The following TMEM74 variants were observed in gnomAD, a reference collection of about 807,000 sequenced individuals.
The protein encoded by TMEM74 is transmembrane protein 74.
TMEM74 carries 13 observed loss-of-function variants against 18.1 expected under a neutral mutation model. The ratio of observed to expected loss-of-function variants is 0.72; its 90% CI spans 0.47 to 1.14. TMEM74 has a LOEUF of 1.14. Among genes scored for constraint, TMEM74 ranks in the 50% most tolerant of loss-of-function variants. The pLI is 0.00. For synonymous variants in TMEM74, 159 were observed against 146.6 expected, an observed-to-expected ratio of 1.08 and a Z score of -0.61; for missense variants, 372 against 375.9, an observed-to-expected ratio of 0.99 and a Z score of 0.09.
At chr8:108,746,653 A>G (rs1477618417) in intron 1 of TMEM74, among the ~76,000 whole-genome samples, 1 of 152,108 alleles carries the variant, frequency 6.6e-6, no homozygotes, top group Non-Finnish European at 1.5e-5. Flanking sequence ...GGACTCCTAA[A>G]TAGCCTCAGG....
At chr8:108,627,422 T>C (rs1240498253) in intron 2 of TMEM74, among the ~76,000 whole-genome samples, 1 of 152,022 alleles carries the variant, frequency 6.6e-6, no homozygotes, top group Non-Finnish European at 1.5e-5. Context: ...TTGAGCTGTG[T>C]GCTTTAAGTA....
At chr8:108,719,022 A>G (rs553358887) in intron 1 of TMEM74, among the ~76,000 whole-genome samples, 1 of 151,874 alleles carries the variant, frequency 6.6e-6, no homozygotes, top group South Asian at 2.1e-4. Flanking sequence ...ATATATTTGT[A>G]TCCTTGTAGT....
At chr8:108,687,932 A>C (rs1228347936) in intron 1 of TMEM74, among the ~76,000 whole-genome samples, 1 of 152,100 alleles carries the variant, frequency 6.6e-6, no homozygotes, top group Non-Finnish European at 1.5e-5. Flanking sequence ...AGGAACCCCT[A>C]CTCTAGGGGT....
chr8:108,713,538 T>A (rs1813493170), intron 1 of TMEM74, among the ~76,000 whole-genome samples: 1 of 152,180 alleles, frequency 6.6e-6, no homozygotes, highest in Non-Finnish European at 1.5e-5. Context: ...AGCTATATAA[T>A]TGCACTCACA....
intron 1 of TMEM74, among the ~76,000 whole-genome samples, chr8:108,660,983 G>A (rs1267490158): frequency 6.6e-6 from 1 of 152,132 alleles, no homozygotes; most frequent in African/African-American, 2.4e-5. Context: ...GTGATGAAAT[G>A]TGGTTTAGTA....
At chr8:108,662,657 C>T (rs1175821227) in intron 1 of TMEM74, among the ~76,000 whole-genome samples, 1 of 152,084 alleles carries the variant, frequency 6.6e-6, no homozygotes, top group East Asian at 1.9e-4. Context: ...TTAGGGAAGG[C>T]CTGTGTGCCC....
chr8:108,644,416 A>G (rs540623705), intron 2 of TMEM74, among the ~76,000 whole-genome samples: 2 of 152,290 alleles, frequency 1.3e-5, no homozygotes, highest in South Asian at 4.1e-4. Flanking sequence ...CTTAGAAGAA[A>G]ACTCCATTCT....
chr8:108,613,927 G>T (rs1368309231), intron 2 of TMEM74, among the ~76,000 whole-genome samples: 1 of 151,908 alleles, frequency 6.6e-6, no homozygotes, highest in Admixed American at 6.6e-5. Flanking sequence ...CTTCCAATGG[G>T]GTAATAAGAG....
chr8:108,743,496 T>C (rs138921828), intron 1 of TMEM74, among the ~76,000 whole-genome samples: 348 of 152,308 alleles, frequency 2.3e-3, no homozygotes, highest in Non-Finnish European at 3.3e-3. Flanking sequence ...CTTTAAAATA[T>C]ATGCAAAGTG....
At chr8:108,664,216 A>G (rs942757558) in intron 1 of TMEM74, among the ~76,000 whole-genome samples, 1 of 152,160 alleles carries the variant, frequency 6.6e-6, no homozygotes, top group Non-Finnish European at 1.5e-5. Flanking sequence ...TCCTTTGGGC[A>G]GTTTGGCCAT....
rs969535533 is a variant in TMEM74, at chr8:108,779,351, A to G, written c.*4830T>C. On this transcript the variant is annotated 3_prime_UTR_variant, in exon 2 of 2. Transcript: ENST00000297459. ...TATGACATTTGTTTGGAGCCTGGCT[A>G]GGAAGCCTGAAGATGGCAGTGAAAA... Among the ~76,000 whole-genome samples, 1 of 152,174 alleles carries G rather than the reference A, an allele frequency of 6.6e-6. No individual in the cohort carries two copies. The highest frequency in any genetic ancestry group is 2.4e-5 in the African/African-American group (1 of 41,444).
At chr8:108,708,174 G>A (rs1813435727) in intron 1 of TMEM74, among the ~76,000 whole-genome samples, 1 of 151,864 alleles carries the variant, frequency 6.6e-6, no homozygotes, top group Non-Finnish European at 1.5e-5. Context: ...ATGGCTTCCA[G>A]CTCCACTCAT....
At chr8:108,730,634 CTTT>C (rs1199122765) in intron 1 of TMEM74, among the ~76,000 whole-genome samples, 9 of 132,160 alleles carry the variant, frequency 6.8e-5, no homozygotes, top group Non-Finnish European at 3.2e-5. Context: ...TGCAGACTTC[CTTT>C]TTTTTTTTTT....
At chr8:108,624,180 T>A (rs1812470967) in intron 2 of TMEM74, among the ~76,000 whole-genome samples, 1 of 152,106 alleles carries the variant, frequency 6.6e-6, no homozygotes, top group South Asian at 2.1e-4. Flanking sequence ...TTCTCTTGCC[T>A]TTATTTTAAA....
At chr8:108,690,279 C>T (rs1054666967) in intron 1 of TMEM74, among the ~76,000 whole-genome samples, 1 of 152,126 alleles carries the variant, frequency 6.6e-6, no homozygotes, top group African/African-American at 2.4e-5. Flanking sequence ...TAAACAGAAT[C>T]CAGCTCACAT....
chr8:108,642,269 C>G (rs1416857319), intron 2 of TMEM74, among the ~76,000 whole-genome samples: 1 of 151,326 alleles, frequency 6.6e-6, no homozygotes, highest in Non-Finnish European at 1.5e-5. Flanking sequence ...CGTGGTGGTG[C>G]ATGCCTGTAA....
intron 1 of TMEM74, among the ~76,000 whole-genome samples, chr8:108,696,214 T>C (rs534419924): frequency 6.6e-6 from 1 of 152,340 alleles, no homozygotes; most frequent in Non-Finnish European, 1.5e-5. Context: ...TAGCTAATAT[T>C]TTCCAGCACT....
At chr8:108,712,592 C>T (rs1263282942) in intron 1 of TMEM74, among the ~76,000 whole-genome samples, 1 of 152,166 alleles carries the variant, frequency 6.6e-6, no homozygotes, top group Non-Finnish European at 1.5e-5. Flanking sequence ...AAGCCATTCT[C>T]ATCCTGATCC....
chr8:108,631,340 G>C (rs1446282763), intron 2 of TMEM74, among the ~76,000 whole-genome samples: 1 of 152,012 alleles, frequency 6.6e-6, no homozygotes, highest in Admixed American at 6.6e-5. Flanking sequence ...GGTATTGCCA[G>C]TTTGAATGTG....
Sources: allele counts gnomAD v4.1 joint callset (sites outside exome capture counted in the v4.1 genomes callset), GRCh38; gene constraint gnomAD v4.1.1; transcripts MANE v1.5; gene names NCBI Gene and HGNC (gene_info 2026-07-23, HGNC 2026-07-21).